The following PRIM2 variants were observed in gnomAD, a reference collection of about 807,000 sequenced individuals.
PRIM2 encodes DNA primase large subunit.
Under a neutral mutation model 67.3 loss-of-function variants are expected in PRIM2, and 39 were observed. The ratio of observed to expected loss-of-function variants is 0.58; its 90% CI spans 0.45 to 0.76. The LOEUF (loss-of-function observed/expected upper bound fraction) is 0.76. Among genes scored for constraint, PRIM2 ranks in the 30% least tolerant of loss-of-function variants. The pLI is 0.00. For synonymous variants in PRIM2, 143 were observed against 198.7 expected, an observed-to-expected ratio of 0.72 and a Z score of 2.36; for missense variants, 398 against 598.7, an observed-to-expected ratio of 0.66 and a Z score of 3.50.
chr6:57,370,491 A>G (rs1206887068), intron 5 of PRIM2, among the ~76,000 whole-genome samples: 2 of 152,170 alleles, frequency 1.3e-5, no homozygotes, highest in African/African-American at 4.8e-5. Flanking sequence ...GTTATAACTA[A>G]ATAGATAAAT....
At chr6:57,555,620 C>T (rs1775499938) in intron 10 of PRIM2, among the ~76,000 whole-genome samples, 1 of 152,104 alleles carries the variant, frequency 6.6e-6, no homozygotes, top group Admixed American at 6.6e-5. Context: ...TAGAAATTCA[C>T]CATATAAAAA....
the PRIM2 span, among the ~76,000 whole-genome samples, chr6:57,302,779 C>T: frequency 0.011 from 1,715 of 152,258 alleles, 37 homozygotes; most frequent in African/African-American, 0.039. Context: ...GTCCATTATT[C>T]AAATAAAATG....
chr6:57,469,536 G>T (rs1773287578), intron 7 of PRIM2, among the ~76,000 whole-genome samples: 1 of 152,188 alleles, frequency 6.6e-6, no homozygotes, highest in Non-Finnish European at 1.5e-5. Context: ...AGAGCATACA[G>T]ATCAGTCAAA....
chr6:57,572,713 G>A (rs1309695453), intron 10 of PRIM2, among the ~76,000 whole-genome samples: 1 of 152,202 alleles, frequency 6.6e-6, no homozygotes, highest in African/African-American at 2.4e-5. Flanking sequence ...GTCCAGATTG[G>A]ATGAATATAG....
At position 57,537,423 on chromosome 6, in the gene PRIM2, C is replaced by A; in HGVS notation, c.835-17C>A. 3 of 1,298,176 alleles carry A rather than the reference C, an allele frequency of 2.3e-6. No individual in the cohort carries two copies. The highest frequency in any genetic ancestry group is 1.6e-5 in the South Asian group (1 of 62,214). 80.4% of individuals were successfully genotyped at this position (1,298,176 alleles called of 1,614,324 possible). A position where few individuals can be genotyped will look rare whatever the true frequency, so the allele number is the denominator to read the frequency against. On this transcript the variant is annotated splice_polypyrimidine_tract_variant and intron_variant, in intron 9 of 13. Coordinates refer to ENST00000615550, the MANE Select transcript of PRIM2 (RefSeq NM_000947.5). ...GTCTTCCACTTAACTTAAAACTCTA[C>A]TATTTTTTTCTTGTAGCTTTCTACC...
At chr6:57,540,289 ACAGC>A (rs1775119796) in intron 10 of PRIM2, among the ~76,000 whole-genome samples, 1 of 152,034 alleles carries the variant, frequency 6.6e-6, no homozygotes, top group East Asian at 1.9e-4. Flanking sequence ...ACACACACAC[ACAGC>A]GAGAGAGAGA....
At chr6:57,460,847 T>C (rs1297113196) in intron 7 of PRIM2, among the ~76,000 whole-genome samples, 2 of 152,252 alleles carry the variant, frequency 1.3e-5, no homozygotes, top group Non-Finnish European at 1.5e-5. Context: ...TGACTTCTTA[T>C]TCTAAATTTT....
intron 5 of PRIM2, among the ~76,000 whole-genome samples, chr6:57,363,339 T>C (rs1769257063): frequency 6.6e-6 from 1 of 152,218 alleles, no homozygotes; most frequent in Admixed American, 6.5e-5. Flanking sequence ...CATATGTTTA[T>C]AAGTATAAAG....
chr6:57,225,990 C>A, the PRIM2 span, among the ~76,000 whole-genome samples: 2 of 151,950 alleles, frequency 1.3e-5, no homozygotes, highest in Non-Finnish European at 2.9e-5. Flanking sequence ...GCTTAATAAC[C>A]TTGGATCTTA....
chr6:57,486,799 G>A, intron 7 of PRIM2, among the ~76,000 whole-genome samples: 1 of 152,380 alleles, frequency 6.6e-6, no homozygotes, highest in East Asian at 1.9e-4. Flanking sequence ...GGCTTGGTGA[G>A]ATGGATGTCT....
chr6:57,242,739 CT>C, the PRIM2 span, among the ~76,000 whole-genome samples: 1 of 151,980 alleles, frequency 6.6e-6, no homozygotes, highest in East Asian at 1.9e-4. Context: ...GCTATCTGGG[CT>C]TTATTTGGAG....
intron 5 of PRIM2, among the ~76,000 whole-genome samples, chr6:57,342,617 T>C (rs370263444): frequency 3.7e-4 from 56 of 152,324 alleles, no homozygotes; most frequent in Non-Finnish European, 1.5e-4. Context: ...GGTCTAATGG[T>C]AGGATGCTTT....
At chr6:57,462,156 CAT>C (rs1773029134) in intron 7 of PRIM2, among the ~76,000 whole-genome samples, 1 of 152,108 alleles carries the variant, frequency 6.6e-6, no homozygotes, top group Non-Finnish European at 1.5e-5. Context: ...GCTGGATAAA[CAT>C]AGATTGTTTG....
intron 7 of PRIM2, among the ~76,000 whole-genome samples, chr6:57,467,046 A>G (rs1773216413): frequency 6.8e-6 from 1 of 146,248 alleles, no homozygotes; most frequent in East Asian, 2.0e-4. Flanking sequence ...CGGAGGTTGC[A>G]GTGAGCCAAG....
chr6:57,311,630 C>T (rs1187640091), upstream of PRIM2, among the ~76,000 whole-genome samples: 4 of 151,906 alleles, frequency 2.6e-5, no homozygotes, highest in Non-Finnish European at 4.4e-5. Context: ...ACGGGGTGAC[C>T]GGCGGGCAGA....
At chr6:57,621,251 AG>A (rs1776848412) in intron 12 of PRIM2, among the ~76,000 whole-genome samples, 1 of 152,218 alleles carries the variant, frequency 6.6e-6, no homozygotes, top group Non-Finnish European at 1.5e-5. Context: ...ACATTGCAGA[AG>A]GACAAGAGAA....
chr6:57,507,748 A>G (rs1774279897), intron 8 of PRIM2, among the ~76,000 whole-genome samples: 1 of 152,118 alleles, frequency 6.6e-6, no homozygotes, highest in Non-Finnish European at 1.5e-5. Flanking sequence ...TGAATGAGCT[A>G]TTTACGTAAA....
intron 5 of PRIM2, among the ~76,000 whole-genome samples, chr6:57,342,116 T>C (rs1050840598): frequency 6.6e-6 from 1 of 152,214 alleles, no homozygotes; most frequent in African/African-American, 2.4e-5. Flanking sequence ...TCTGGTGTTC[T>C]ATTACTGACT....
chr6:57,281,170 T>C, the PRIM2 span, among the ~76,000 whole-genome samples: 3 of 152,252 alleles, frequency 2.0e-5, no homozygotes, highest in Non-Finnish European at 2.9e-5. Context: ...GCATTCAATA[T>C]GTACCAGTTT....
Sources: gnomAD v4.1 joint callset for allele counts (sites outside exome capture counted in the v4.1 genomes callset) on GRCh38, gnomAD v4.1.1 for gene constraint, MANE v1.5 for transcripts, NCBI Gene and HGNC (gene_info 2026-07-23, HGNC 2026-07-21) for gene names.